The following UNC13C variants were observed in gnomAD, a reference collection of about 807,000 sequenced individuals.
UNC13C encodes protein unc-13 homolog C.
UNC13C carries 174 observed loss-of-function variants against 245.4 expected under a neutral mutation model. The ratio of observed to expected loss-of-function variants is 0.71; its 90% CI spans 0.63 to 0.80. UNC13C has a LOEUF of 0.80. Ranked by LOEUF, UNC13C falls within the 30% of genes least tolerant of loss-of-function variation. UNC13C has a pLI of 0.00. For missense variants in UNC13C, 2,829 were observed against 2,602.9 expected, an observed-to-expected ratio of 1.09 and a Z score of -1.89; for synonymous variants, 992 against 895.1, an observed-to-expected ratio of 1.11 and a Z score of -1.93.
chr15:54,540,800 T>C (rs1191382664), intron 26 of UNC13C, among the ~76,000 whole-genome samples: 1 of 152,220 alleles, frequency 6.6e-6, no homozygotes, highest in Non-Finnish European at 1.5e-5. Flanking sequence ...ATTTTTTTAG[T>C]TCCGGTCTAA....
chr15:53,874,679 A>G, the UNC13C span, among the ~76,000 whole-genome samples: 1 of 152,124 alleles, frequency 6.6e-6, no homozygotes, highest in Non-Finnish European at 1.5e-5. Context: ...ATAGCTCAAT[A>G]CCTACTTTTC....
At chr15:54,001,685 A>G (rs1894895131) in intron 1 of UNC13C, among the ~76,000 whole-genome samples, 1 of 152,196 alleles carries the variant, frequency 6.6e-6, no homozygotes. Context: ...TTATTTAGTC[A>G]TTATAGCAAT....
intron 19 of UNC13C, among the ~76,000 whole-genome samples, chr15:54,478,751 T>C (rs1431443579): frequency 1.3e-5 from 2 of 151,746 alleles, no homozygotes; most frequent in African/African-American, 2.4e-5. Context: ...AATTTTGGAA[T>C]AGGTGTGGTG....
At chr15:54,601,835 A>C (rs1899447715) in intron 30 of UNC13C, among the ~76,000 whole-genome samples, 1 of 152,100 alleles carries the variant, frequency 6.6e-6, no homozygotes, top group South Asian at 2.1e-4. Context: ...TTTCTCCTCA[A>C]AGTGGAAATG....
At chr15:54,213,249 ACT>A (rs1276895897) in intron 4 of UNC13C, among the ~76,000 whole-genome samples, 5 of 152,080 alleles carry the variant, frequency 3.3e-5, no homozygotes, top group African/African-American at 1.2e-4. Flanking sequence ...CCACTTTAAA[ACT>A]TTTAAAAATG....
the UNC13C span, among the ~76,000 whole-genome samples, chr15:53,853,545 C>T: frequency 1.3e-5 from 2 of 152,076 alleles, no homozygotes; most frequent in Admixed American, 6.6e-5. Flanking sequence ...GTATTTCGGC[C>T]TCTAGGTCTT....
At chr15:54,386,222 G>T (rs1413924945) in intron 17 of UNC13C, among the ~76,000 whole-genome samples, 2 of 152,146 alleles carry the variant, frequency 1.3e-5, no homozygotes, top group Admixed American at 1.3e-4. Flanking sequence ...ATAACCCTCA[G>T]TTTACTTATC....
At chr15:54,073,160 C>A (rs765988000) in intron 2 of UNC13C, among the ~76,000 whole-genome samples, 3 of 152,112 alleles carry the variant, frequency 2.0e-5, no homozygotes, top group Non-Finnish European at 2.9e-5. Flanking sequence ...TGTTAGTTTG[C>A]TGAGAATGGT....
At chr15:53,986,904 C>T (rs1050037744) in intron 1 of UNC13C, among the ~76,000 whole-genome samples, 2 of 151,296 alleles carry the variant, frequency 1.3e-5, no homozygotes, top group African/African-American at 4.9e-5. Flanking sequence ...TGGAAAGACA[C>T]TCTGAGATCC....
intron 2 of UNC13C, 54 bp downstream of exon 2, chr15:54,015,940 G>A: frequency 7.1e-7 from 1 of 1,403,806 alleles, no homozygotes; most frequent in Non-Finnish European, 9.5e-7. Context: ...ACATTGGGTA[G>A]CACTTCTTTA....
chr15:53,890,181 A>G, the UNC13C span, among the ~76,000 whole-genome samples: 5 of 148,268 alleles, frequency 3.4e-5, no homozygotes, highest in East Asian at 8.0e-4. Flanking sequence ...TCACTGCGTC[A>G]CCCAGGCTTG....
intron 19 of UNC13C, among the ~76,000 whole-genome samples, chr15:54,481,841 C>T (rs1272525325): frequency 6.6e-6 from 1 of 152,028 alleles, no homozygotes; most frequent in Non-Finnish European, 1.5e-5. Flanking sequence ...TGGACCAATC[C>T]CCAGGCCTCC....
chr15:54,346,389 A>G (rs1179738482), intron 17 of UNC13C, among the ~76,000 whole-genome samples: 1 of 152,158 alleles, frequency 6.6e-6, no homozygotes, highest in Non-Finnish European at 1.5e-5. Flanking sequence ...TTGTTAAGCT[A>G]TTTAGCCTCT....
Position 54,059,758 on chromosome 15 carries a change from C to A in UNC13C, c.2983+43872C>A, listed in dbSNP as rs150410702. Among the ~76,000 whole-genome samples, 984 of 152,118 alleles carry A rather than the reference C, an allele frequency of 6.5e-3. 17 individuals are homozygous for A. The highest frequency in any genetic ancestry group is 6.9e-3 in the Non-Finnish European group (470 of 68,002). On this transcript the variant is annotated intron_variant, in intron 2 of 32. Coordinates refer to ENST00000260323, the MANE Select transcript of UNC13C (RefSeq NM_001080534.3). ...TAATCAAAACAGCATGGTACTGGTA[C>A]CAAAATAGAGATATAGACCAATGGA...
chr15:54,290,937 G>A (rs2037281010), intron 10 of UNC13C, among the ~76,000 whole-genome samples: 1 of 151,874 alleles, frequency 6.6e-6, no homozygotes, highest in South Asian at 2.1e-4. Context: ...TGACAAAAAG[G>A]GACATCTTTC....
the UNC13C span, among the ~76,000 whole-genome samples, chr15:53,925,370 A>C: frequency 6.6e-6 from 1 of 152,208 alleles, no homozygotes; most frequent in East Asian, 1.9e-4. Context: ...CAAGATTTCA[A>C]ACCCCAAAGG....
intron 2 of UNC13C, chr15:54,050,115 G>A (rs1023741115): frequency 2.7e-5 from 9 of 332,758 alleles, no homozygotes; most frequent in South Asian, 4.9e-5. Flanking sequence ...GATTACAGGC[G>A]CCCGCCACCA....
At chr15:54,127,032 G>A (rs541848347) in intron 2 of UNC13C, among the ~76,000 whole-genome samples, 18 of 152,186 alleles carry the variant, frequency 1.2e-4, no homozygotes, top group East Asian at 7.7e-4. Context: ...TTAGAATGGC[G>A]ATCATTAAAA....
At chr15:54,218,381 T>A (rs556685572) in intron 4 of UNC13C, among the ~76,000 whole-genome samples, 1 of 151,958 alleles carries the variant, frequency 6.6e-6, no homozygotes, top group African/African-American at 2.4e-5. Context: ...GAGATACTTA[T>A]GGATCAGTGA....
Sources: gnomAD v4.1 joint callset for allele counts (sites outside exome capture counted in the v4.1 genomes callset) on GRCh38, gnomAD v4.1.1 for gene constraint, MANE v1.5 for transcripts, NCBI Gene and HGNC (gene_info 2026-07-23, HGNC 2026-07-21) for gene names.